The following PLK4 variants were observed in gnomAD, a reference collection of about 807,000 sequenced individuals.
PLK4 encodes the protein polo like kinase 4.
In PLK4, 51 loss-of-function variants were observed where a neutral mutation model predicts 103.0. That is an observed-to-expected ratio of 0.50 (90% CI 0.40 to 0.63). PLK4 has a LOEUF of 0.63. Ranked by LOEUF, PLK4 falls within the 20% of genes least tolerant of loss-of-function variation. PLK4 has a pLI of 0.00. For missense variants in PLK4, 1,054 were observed against 1,151.0 expected (o/e 0.92, Z 1.22); for synonymous variants, 389 against 376.8 (o/e 1.03, Z -0.38).
chr4:127,889,847 C>T lies in PLK4; in HGVS notation c.1460-19C>T. 2.6e-6 allele frequency: 4 copies of T among 1,516,464 alleles called. No homozygotes were observed. In the East Asian group the frequency reaches 6.8e-5, roughly 26 times the overall value. 93.9% of individuals were successfully genotyped at this position (1,516,464 alleles called of 1,614,324 possible). On this transcript the variant is annotated intron_variant, in intron 6 of 15. Transcript: ENST00000270861. Reference sequence around the variant, plus strand: ...TTTTTAGTTATTTACTAAATTGCTTCATTCTATGTATATTGTAGCTCATTT... The same window carrying T: ...TTTTTAGTTATTTACTAAATTGCTTTATTCTATGTATATTGTAGCTCATTT...
chr4:127,892,589 A>C lies in PLK4; in HGVS notation c.2188+75A>C, dbSNP rs928486298. The C allele has an allele frequency of 7.6e-5, 87 of 1,138,006 alleles. 1 individual carries two copies. Among genetic ancestry groups the C allele is most frequent in the Non-Finnish European group, 6.5e-5 (50 of 774,100 alleles). 70.5% of individuals were successfully genotyped at this position (1,138,006 alleles called of 1,614,324 possible). A position where few individuals can be genotyped will look rare whatever the true frequency, so the allele number is the denominator to read the frequency against. On this transcript the variant is annotated intron_variant, in intron 10 of 15. Transcript: ENST00000270861. ...TAGTTACGTATATGTGGGTTTTTAA[A>C]ATTCAACACAGTCAGTTTTAAAGAT...
At chr4:127,892,762 A>AT in intron 10 of PLK4, 2 of 313,750 alleles carry the variant, frequency 6.4e-6, no homozygotes, top group Non-Finnish European at 1.2e-5. Context: ...CAGTTTAACT[A>AT]CGTCTAGGCT....
chr4:127,887,437 C>T lies in PLK4; in HGVS notation c.1400C>T (p.Ala467Val). 3 of 1,611,566 alleles carry T rather than the reference C, an allele frequency of 1.9e-6. No individual in the cohort carries two copies. Among genetic ancestry groups the T allele is most frequent in the Non-Finnish European group, 1.7e-6 (2 of 1,178,334 alleles). ...LCPGKTPFPF[A>V]DPTPQTETVQ... ...CCAGGAAAAACTCCTTTTCCATTTG[C>T]AGACCCGACACCTCAGACTGAAACC... Residue 467 changes from alanine (A) to valine (V), a missense_variant, in exon 6 of 16, where the codon GCA becomes GTA. Ala to Val is a moderately conservative substitution (Grantham distance 64, BLOSUM62 0). Around this residue, in one of 4 missense-constraint regions of PLK4, gnomAD observed 680 missense variants for 660.3 expected, o/e 1.03. Coordinates refer to ENST00000270861, the MANE Select transcript of PLK4 (RefSeq NM_014264.5).
At chr4:127,891,271 A>C (rs1462895945) in intron 8 of PLK4, 75 bp downstream of exon 8, 1 of 749,020 alleles carries the variant, frequency 1.3e-6, no homozygotes, top group Admixed American at 2.6e-5. Flanking sequence ...AATTCATTTT[A>C]CAATGATGTA....
chr4:127,889,773 C>T, intron 6 of PLK4, 93 bp from the exon 7 acceptor site: 1 of 903,220 alleles, frequency 1.1e-6, no homozygotes, highest in Non-Finnish European at 1.7e-6. Context: ...TTCTTTTGTT[C>T]AAAAAATGCT....
At chr4:127,891,259 C>G in intron 8 of PLK4, 63 bp downstream of exon 8, 2 of 817,322 alleles carry the variant, frequency 2.4e-6, no homozygotes, top group Non-Finnish European at 3.9e-6. Context: ...GTTTAGCATT[C>G]TAATTCATTT....
rs915306829 is a variant in PLK4, at chr4:127,880,944, C to G, written c.-191C>G. On this transcript the variant is annotated 5_prime_UTR_variant, in exon 1 of 16. Coordinates refer to ENST00000270861, the MANE Select transcript of PLK4 (RefSeq NM_014264.5). ...CGGCGGGAGATTTTCAAAATGGGAG[C>G]CCAGAGGCACCGCCCAGGCCTCGGA... 1.1e-5 allele frequency: 7 copies of G among 613,856 alleles called. No homozygotes were observed. The highest frequency in any genetic ancestry group is 2.0e-5 in the South Asian group (1 of 50,596). The allele number at this position is 613,856 out of a possible 1,614,324, so 38.0% of individuals were successfully genotyped here.
chr4:127,888,009 G>A (rs529605030), intron 6 of PLK4, among the ~76,000 whole-genome samples: 3 of 149,718 alleles, frequency 2.0e-5, no homozygotes, highest in South Asian at 2.1e-4. Flanking sequence ...GTGAAACCCC[G>A]TCTCTACTAA....
rs915306829 is a variant in PLK4 at position 127,880,944 on chromosome 4, C to A, written c.-191C>A. 6.5e-6 allele frequency: 4 copies of A among 613,974 alleles called. No individual in the cohort carries two copies. The highest frequency in any genetic ancestry group is 2.0e-5 in the South Asian group (1 of 50,592). 38.0% of individuals were successfully genotyped at this position (613,974 alleles called of 1,614,324 possible). On this transcript the variant is annotated 5_prime_UTR_variant, in exon 1 of 16. Coordinates refer to ENST00000270861, the MANE Select transcript of PLK4 (RefSeq NM_014264.5). The stretch of plus-strand genomic sequence containing the variant: ...CGGCGGGAGATTTTCAAAATGGGAG[C>A]CCAGAGGCACCGCCCAGGCCTCGGA...
chr4:127,884,690 G>T (rs1463088742), intron 4 of PLK4, among the ~76,000 whole-genome samples: 3 of 152,138 alleles, frequency 2.0e-5, no homozygotes, highest in Non-Finnish European at 4.4e-5. Context: ...TGTCATCCTA[G>T]CTACTTGGGA....
chr4:127,895,231 G>A (rs887122216), intron 14 of PLK4, 138 bp downstream of exon 14: 3 of 545,538 alleles, frequency 5.5e-6, no homozygotes, highest in Non-Finnish European at 9.1e-6. Flanking sequence ...TTTAACATTG[G>A]TTATATCATT....
At chr4:127,898,113 G>A (rs921106746) in intron 15 of PLK4, among the ~76,000 whole-genome samples, 1 of 152,078 alleles carries the variant, frequency 6.6e-6, no homozygotes, top group Non-Finnish European at 1.5e-5. Flanking sequence ...TGGGATTACA[G>A]GCATTAACCA....
Position 127,881,857 on chromosome 4 carries a change from TA to T in PLK4, c.60del (p.Gly21AspfsTer22), listed in dbSNP as rs772719023. On this transcript the variant is annotated frameshift_variant, in exon 2 of 16. Coordinates refer to ENST00000270861, the MANE Select transcript of PLK4 (RefSeq NM_014264.5). LOFTEE classifies it high-confidence loss of function. ...ATTTTAAAGTTGGAAATCTGCTTGG[TA>T]AAGGATCATTTGCTGGTGTCTACAG... is the stretch of plus-strand genomic sequence containing the variant. ...EDFKVGNLLG[K>X]GSFAGVYRAE... The T allele has an allele frequency of 6.2e-7, 1 of 1,608,232 alleles. No homozygotes were observed. The highest frequency in any genetic ancestry group is 8.5e-7 in the Non-Finnish European group (1 of 1,174,624).
intron 12 of PLK4, 32 bp downstream of exon 12, chr4:127,893,636 A>G: frequency 1.3e-6 from 2 of 1,578,882 alleles, no homozygotes; most frequent in East Asian, 4.5e-5. Flanking sequence ...ACATATGGCT[A>G]AAATGTTTTA....
At chr4:127,889,109 T>G (rs1012897633) in intron 6 of PLK4, among the ~76,000 whole-genome samples, 1 of 152,150 alleles carries the variant, frequency 6.6e-6, no homozygotes, top group Non-Finnish European at 1.5e-5. Context: ...AGTATATTAT[T>G]TGATACAAAA....
intron 5 of PLK4, among the ~76,000 whole-genome samples, chr4:127,887,147 T>G (rs1278483925): frequency 2.0e-5 from 3 of 152,218 alleles, no homozygotes; most frequent in Non-Finnish European, 1.5e-5. Flanking sequence ...CTGTTCATTT[T>G]GTGATTTTTA....
intron 7 of PLK4, chr4:127,890,870 A>T: frequency 2.9e-6 from 1 of 340,144 alleles, no homozygotes; most frequent in Non-Finnish European, 5.3e-6. Context: ...CTGCTCATTG[A>T]TTATCACTTC....
intron 5 of PLK4, 94 bp downstream of exon 5, chr4:127,886,822 A>C: frequency 1.4e-6 from 1 of 701,356 alleles, no homozygotes; most frequent in Non-Finnish European, 2.2e-6. Flanking sequence ...TACCAGGGAA[A>C]TGAATGTCTA....
intron 10 of PLK4, 66 bp downstream of exon 10, chr4:127,892,580 G>A (rs1735403033): frequency 1.5e-6 from 2 of 1,311,744 alleles, no homozygotes; most frequent in Admixed American, 2.0e-5. Flanking sequence ...CGTATATGTG[G>A]GTTTTTAAAA....
Sources: allele counts gnomAD v4.1 joint callset (sites outside exome capture counted in the v4.1 genomes callset), GRCh38; gene constraint gnomAD v4.1.1; regional missense constraint gnomAD v4.1.1; transcripts MANE v1.5; gene names NCBI Gene and HGNC (gene_info 2026-07-23, HGNC 2026-07-21).